GRM8: variants seen among roughly 807,000 people sequenced by gnomAD.
GRM8 encodes the protein metabotropic glutamate receptor 8.
Under a neutral mutation model 87.2 loss-of-function variants are expected in GRM8, and 47 were observed. That is an observed-to-expected ratio of 0.54 (90% CI 0.43 to 0.69). The LOEUF is 0.69. GRM8 is among the 30% of genes least tolerant of loss of function. GRM8 has a pLI of 0.00. For missense variants in GRM8, 1,019 were observed against 1,139.2 expected, an observed-to-expected ratio of 0.89 and a Z score of 1.52; for synonymous variants, 396 against 404.5, an observed-to-expected ratio of 0.98 and a Z score of 0.25.
chr7:126,634,344 G>A (rs1376269475), intron 7 of GRM8, among the ~76,000 whole-genome samples: 3 of 152,056 alleles, frequency 2.0e-5, no homozygotes, highest in African/African-American at 7.2e-5. Flanking sequence ...TAAGTCCTGG[G>A]GAAGATCTGA....
chr7:126,757,793 A>G (rs975184496), intron 7 of GRM8, among the ~76,000 whole-genome samples: 3 of 152,156 alleles, frequency 2.0e-5, no homozygotes, highest in Non-Finnish European at 4.4e-5. Flanking sequence ...TAGGAGGTGT[A>G]TTATATTCTA....
At chr7:126,514,279 A>T (rs1048324264) in intron 9 of GRM8, among the ~76,000 whole-genome samples, 1 of 152,140 alleles carries the variant, frequency 6.6e-6, no homozygotes, top group Non-Finnish European at 1.5e-5. Flanking sequence ...AGGACGATGC[A>T]TCCAATTTCT....
intron 6 of GRM8, among the ~76,000 whole-genome samples, chr7:126,842,567 T>C (rs965704351): frequency 6.6e-6 from 1 of 152,218 alleles, no homozygotes; most frequent in Non-Finnish European, 1.5e-5. Context: ...GGGATTAAGA[T>C]GGCTGATCAG....
chr7:126,904,450 A>G, intron 4 of GRM8, 98 bp downstream of exon 4: 1 of 1,158,752 alleles, frequency 8.6e-7, no homozygotes, highest in Admixed American at 2.0e-5. Flanking sequence ...CTGTTATTGG[A>G]AGGCAATTAC....
At chr7:127,032,307 A>C (rs957283119) in intron 3 of GRM8, among the ~76,000 whole-genome samples, 3 of 152,100 alleles carry the variant, frequency 2.0e-5, no homozygotes, top group Non-Finnish European at 4.4e-5. Flanking sequence ...GTTTCCTGTA[A>C]CTGTGCATTG....
intron 7 of GRM8, among the ~76,000 whole-genome samples, chr7:126,683,774 CT>C (rs1807873003): frequency 6.6e-6 from 1 of 152,112 alleles, no homozygotes; most frequent in African/African-American, 2.4e-5. Context: ...GTTGGAAAGA[CT>C]TATGGTCTTT....
intron 1 of GRM8, among the ~76,000 whole-genome samples, chr7:127,248,529 C>T (rs1212909456): frequency 1.3e-5 from 2 of 152,148 alleles, no homozygotes; most frequent in Non-Finnish European, 2.9e-5. Context: ...CTTACTTCCC[C>T]CAGTACTCAC....
chr7:126,772,639 G>A (rs1818970182), intron 6 of GRM8, among the ~76,000 whole-genome samples: 1 of 152,006 alleles, frequency 6.6e-6, no homozygotes, highest in African/African-American at 2.4e-5. Flanking sequence ...AGAATTTTAT[G>A]GTATTGAAGT....
At chr7:126,670,698 T>G (rs1408684666) in intron 7 of GRM8, among the ~76,000 whole-genome samples, 1 of 152,236 alleles carries the variant, frequency 6.6e-6, no homozygotes, top group Non-Finnish European at 1.5e-5. Context: ...AGAGCTGAAA[T>G]GTTCATGAAT....
chr7:126,888,359 TGCACCACCAATAAAG>T (rs1800693002), intron 6 of GRM8, among the ~76,000 whole-genome samples: 1 of 152,134 alleles, frequency 6.6e-6, no homozygotes, highest in African/African-American at 2.4e-5. Context: ...AGCCTCATTT[TGCACCACCAATAAAG>T]GCCTTCAAGA....
At chr7:126,970,168 T>C (rs1053949969) in intron 3 of GRM8, among the ~76,000 whole-genome samples, 3 of 152,144 alleles carry the variant, frequency 2.0e-5, no homozygotes, top group Admixed American at 6.5e-5. Context: ...TAAATGAGCA[T>C]TGGCTTCCAC....
chr7:126,515,484 T>C (rs1333337829), intron 9 of GRM8, among the ~76,000 whole-genome samples: 1 of 152,070 alleles, frequency 6.6e-6, no homozygotes, highest in Non-Finnish European at 1.5e-5. Context: ...ATAACAAAAT[T>C]ACCAGAAACT....
At chr7:126,984,700 C>T (rs1811875228) in intron 3 of GRM8, among the ~76,000 whole-genome samples, 1 of 152,152 alleles carries the variant, frequency 6.6e-6, no homozygotes, top group Non-Finnish European at 1.5e-5. Context: ...TTCTGTCACT[C>T]TAGAGAACCC....
chr7:126,814,644 A>C (rs1050244356), intron 6 of GRM8, among the ~76,000 whole-genome samples: 1 of 149,496 alleles, frequency 6.7e-6, no homozygotes, highest in Non-Finnish European at 1.5e-5. Context: ...ACCTGTTACC[A>C]CTCTCCTTAT....
chr7:126,481,725 G>T (rs1806699880), intron 9 of GRM8, among the ~76,000 whole-genome samples: 1 of 152,014 alleles, frequency 6.6e-6, no homozygotes, highest in Non-Finnish European at 1.5e-5. Context: ...GGGATCCAGG[G>T]TTAGATCTTA....
intron 2 of GRM8, among the ~76,000 whole-genome samples, chr7:127,158,076 CATT>C (rs1792853841): frequency 1.3e-5 from 2 of 152,086 alleles, no homozygotes; most frequent in South Asian, 4.1e-4. Context: ...GAAAGTCAGA[CATT>C]ATTGGCATTT....
intron 6 of GRM8, among the ~76,000 whole-genome samples, chr7:126,874,374 C>T (rs1057014624): frequency 6.6e-6 from 1 of 152,084 alleles, no homozygotes; most frequent in African/African-American, 2.4e-5. Context: ...CTACTAGCTT[C>T]ATTTTACAAA....
chr7:126,681,778 A>G (rs770961448), intron 7 of GRM8, among the ~76,000 whole-genome samples: 5 of 152,276 alleles, frequency 3.3e-5, no homozygotes, highest in Non-Finnish European at 5.9e-5. Context: ...AATAGCTTCA[A>G]TGATCTCACC....
rs546594797 is a variant in GRM8 at position 126,782,121 on chromosome 7, T to C, written c.1157-12056A>G. 4.6e-5 allele frequency among the ~76,000 whole-genome samples: 7 copies of C among 152,320 alleles called. No homozygotes were observed. In the South Asian group the frequency reaches 1.2e-3, roughly 27 times the overall value. ...ATAAAGAAAACATGTAGAAATCAAG[T>C]TCATTGCAAATAGTAACAGGAAGTA... On this transcript the variant is annotated intron_variant, in intron 6 of 10. Coordinates refer to ENST00000339582, the MANE Select transcript of GRM8 (RefSeq NM_000845.3).
Sources: gnomAD v4.1 joint callset for allele counts (sites outside exome capture counted in the v4.1 genomes callset) on GRCh38, gnomAD v4.1.1 for gene constraint, MANE v1.5 for transcripts, NCBI Gene and HGNC (gene_info 2026-07-23, HGNC 2026-07-21) for gene names.